NECAB1: variants seen among roughly 807,000 people sequenced by gnomAD.
The protein encoded by NECAB1 is N-terminal EF-hand calcium binding protein 1.
Under a neutral mutation model 57.5 loss-of-function variants are expected in NECAB1, and 29 were observed. The ratio of observed to expected loss-of-function variants is 0.50; its 90% CI spans 0.38 to 0.69. NECAB1 has a LOEUF of 0.69. Ranked by LOEUF, NECAB1 falls within the 30% of genes least tolerant of loss-of-function variation. NECAB1 has a pLI of 0.00. For synonymous variants in NECAB1, 142 were observed against 147.7 expected (o/e 0.96, Z 0.28); for missense variants, 372 against 413.8 (o/e 0.90, Z 0.88).
intron 2 of NECAB1, among the ~76,000 whole-genome samples, chr8:90,815,289 C>G (rs1014985419): frequency 6.6e-6 from 1 of 152,054 alleles, no homozygotes; most frequent in Non-Finnish European, 1.5e-5. Flanking sequence ...TAAGTTAGCA[C>G]CACTCTCCCT....
intron 3 of NECAB1, among the ~76,000 whole-genome samples, chr8:90,847,472 T>C (rs958369123): frequency 4.4e-4 from 67 of 152,242 alleles, no homozygotes; most frequent in African/African-American, 1.6e-3. Flanking sequence ...TTCTGGGGTC[T>C]GGAGGATGGT....
At chr8:90,887,649 A>C (rs1394349928) in intron 5 of NECAB1, among the ~76,000 whole-genome samples, 2 of 152,158 alleles carry the variant, frequency 1.3e-5, no homozygotes, top group Non-Finnish European at 2.9e-5. Context: ...AGTCTCAAAG[A>C]ATGGGCAATT....
chr8:90,793,076 T>C (rs1811602069), intron 1 of NECAB1, among the ~76,000 whole-genome samples: 1 of 152,152 alleles, frequency 6.6e-6, no homozygotes, highest in South Asian at 2.1e-4. Flanking sequence ...AAAGTCAAAA[T>C]GAGTGGGAGA....
intron 10 of NECAB1, among the ~76,000 whole-genome samples, chr8:90,946,883 C>T (rs1810815332): frequency 6.6e-6 from 1 of 152,094 alleles, no homozygotes; most frequent in Non-Finnish European, 1.5e-5. Flanking sequence ...ATTCTCAGTC[C>T]AACACTGAGT....
intron 5 of NECAB1, among the ~76,000 whole-genome samples, chr8:90,902,265 C>A (rs956167583): frequency 6.6e-6 from 1 of 152,048 alleles, no homozygotes; most frequent in East Asian, 1.9e-4. Context: ...AGTAAAAATA[C>A]AAAAATTAGC....
rs1475815119 is a variant in NECAB1, at chr8:90,837,058, GTCA to G, written c.233+12238_233+12240del. Among the ~76,000 whole-genome samples, 7 of 152,216 alleles carry G rather than the reference GTCA, an allele frequency of 4.6e-5. No homozygotes were observed. In the South Asian group the frequency reaches 8.3e-4, roughly 18 times the overall value. On this transcript the variant is annotated intron_variant, in intron 3 of 12. Transcript: ENST00000417640. ...ATAAAATGCACTTTAACACATTTAA[GTCA>G]TCATTTTTTACAAAAATTAAACTGT...
At chr8:90,900,727 C>A (rs1338947044) in intron 5 of NECAB1, among the ~76,000 whole-genome samples, 4 of 152,132 alleles carry the variant, frequency 2.6e-5, no homozygotes, top group African/African-American at 7.2e-5. Flanking sequence ...AAATCTAAGC[C>A]CCTGATTAAA....
intron 9 of NECAB1, among the ~76,000 whole-genome samples, chr8:90,937,001 A>C (rs750924496): frequency 6.6e-5 from 10 of 152,184 alleles, no homozygotes; most frequent in Non-Finnish European, 1.5e-4. Context: ...AGGAAAAGTG[A>C]AGCTAATTCT....
intron 9 of NECAB1, among the ~76,000 whole-genome samples, chr8:90,935,869 T>A (rs1810526939): frequency 2.6e-5 from 4 of 152,122 alleles, no homozygotes; most frequent in Admixed American, 2.6e-4. Flanking sequence ...TGCATAGAAG[T>A]ACTTTAAACA....
At chr8:90,930,605 G>T (rs570454188) in intron 8 of NECAB1, among the ~76,000 whole-genome samples, 63 of 152,284 alleles carry the variant, frequency 4.1e-4, no homozygotes, top group African/African-American at 1.5e-3. Context: ...CTGTGCAAGA[G>T]CCAAGTTAAG....
chr8:90,845,021 G>A (rs1019695884), intron 3 of NECAB1, among the ~76,000 whole-genome samples: 37 of 152,236 alleles, frequency 2.4e-4, no homozygotes, highest in Middle Eastern at 3.4e-3. Flanking sequence ...CTGATGTTCC[G>A]GTTCACGTCC....
chr8:90,878,813 A>G (rs1808774464), intron 4 of NECAB1, among the ~76,000 whole-genome samples: 2 of 151,614 alleles, frequency 1.3e-5, no homozygotes, highest in Admixed American at 1.3e-4. Flanking sequence ...GTCCAATTTT[A>G]AAGTGGAAAG....
chr8:90,932,010 CTTCA>C (rs1222753709), intron 8 of NECAB1, among the ~76,000 whole-genome samples: 2 of 152,122 alleles, frequency 1.3e-5, no homozygotes, highest in African/African-American at 4.8e-5. Flanking sequence ...GCTCTTCATT[CTTCA>C]TTAAGTCCTT....
chr8:90,794,057 T>C (rs1445233389), intron 1 of NECAB1, among the ~76,000 whole-genome samples: 2 of 152,158 alleles, frequency 1.3e-5, no homozygotes, highest in Non-Finnish European at 2.9e-5. Flanking sequence ...ACTGATTCCC[T>C]ATGAGAGGTG....
At position 90,940,866 on chromosome 8, in the gene NECAB1, G is replaced by A; in HGVS notation, c.828G>A (p.Val276=). 2 of 1,561,366 alleles carry A rather than the reference G, an allele frequency of 1.3e-6. No individual in the cohort carries two copies. Among genetic ancestry groups the A allele is most frequent in the Non-Finnish European group, 1.7e-6 (2 of 1,152,316 alleles). The change falls in exon 10 of 13, where the codon GTG becomes GTA. Residue 276 remains valine, a synonymous_variant. Transcript: ENST00000417640. ...TCCAGCTCGCTCTGAAACACTACGT[G>A]GAGAGTGCTTCCTCCCAAAGTGGAT... ...EEFQLALKHY[V]ESASSQSGCL... is the part of the protein sequence containing the mutation.
chr8:90,793,065 TAAAGTC>T (rs1811601951), intron 1 of NECAB1, among the ~76,000 whole-genome samples: 1 of 152,148 alleles, frequency 6.6e-6, no homozygotes, highest in African/African-American at 2.4e-5. Context: ...CTTTTCTTAT[TAAAGTC>T]AAAATGAGTG....
At chr8:90,875,174 G>T (rs1362548605) in intron 4 of NECAB1, among the ~76,000 whole-genome samples, 1 of 152,162 alleles carries the variant, frequency 6.6e-6, no homozygotes, top group Non-Finnish European at 1.5e-5. Flanking sequence ...AGATCTTGAA[G>T]TTGGTAGTTA....
chr8:90,822,153 T>A (rs1812154200), intron 2 of NECAB1, among the ~76,000 whole-genome samples: 1 of 151,944 alleles, frequency 6.6e-6, no homozygotes, highest in African/African-American at 2.4e-5. Context: ...TTGGCTATTC[T>A]GTGAGCCAAA....
intron 12 of NECAB1, among the ~76,000 whole-genome samples, chr8:90,952,393 A>G (rs903546342): frequency 6.6e-6 from 1 of 152,160 alleles, no homozygotes; most frequent in African/African-American, 2.4e-5. Flanking sequence ...CCTTTCTTTA[A>G]GCAGTGGAGT....
Sources: gnomAD v4.1 joint callset for allele counts (sites outside exome capture counted in the v4.1 genomes callset) on GRCh38, gnomAD v4.1.1 for gene constraint, MANE v1.5 for transcripts, NCBI Gene and HGNC (gene_info 2026-07-23, HGNC 2026-07-21) for gene names.